Variants in LGR4 observed in about 807,000 individuals in gnomAD.
LGR4 encodes the protein leucine rich repeat containing G protein-coupled receptor 4.
In LGR4, 44 loss-of-function variants were observed where a neutral mutation model predicts 84.8. The observed-to-expected ratio is 0.52, with a 90% CI of 0.41 to 0.67. The LOEUF is 0.67. LGR4 is among the 30% of genes least tolerant of loss of function. The pLI is 0.00. For missense variants in LGR4, 1,032 were observed against 1,131.4 expected, an observed-to-expected ratio of 0.91 and a Z score of 1.26; for synonymous variants, 429 against 434.3, an observed-to-expected ratio of 0.99 and a Z score of 0.15.
At chr11:27,414,917 CT>C (rs1331017652) in intron 1 of LGR4, among the ~76,000 whole-genome samples, 1 of 152,100 alleles carries the variant, frequency 6.6e-6, no homozygotes, top group Non-Finnish European at 1.5e-5. Context: ...CTGATTCACC[CT>C]TTTCTGTAGT....
chr11:27,382,600 A>G (rs1047353043), intron 6 of LGR4, among the ~76,000 whole-genome samples: 1 of 152,224 alleles, frequency 6.6e-6, no homozygotes, highest in Non-Finnish European at 1.5e-5. Context: ...TTCATTGAAT[A>G]TCCATTTGTA....
rs780736159 is a variant in LGR4 at position 27,369,071 on chromosome 11, A to G, written c.1652T>C (p.Val551Ala). 3.1e-6 allele frequency: 5 copies of G among 1,614,062 alleles called. No homozygotes were observed. Among genetic ancestry groups the G allele is most frequent in the South Asian group, 2.2e-5 (2 of 91,060 alleles). ...AACAAGCAGGTTGAAAAATAATGCA[A>G]CCAAGAAAATGAACCACACAGTAAG... The part of the protein sequence containing the change: ...IRLTVWFIFL[V>A]ALFFNLLVIL... Residue 551 changes from valine to alanine, a missense_variant, in exon 18 of 18, where the codon GTT becomes GCT. By Grantham distance (64) the Val-to-Ala change is moderately conservative (BLOSUM62 0). Transcript: ENST00000379214.
chr11:27,418,737 C>T (rs1005968841), intron 1 of LGR4, among the ~76,000 whole-genome samples: 1 of 151,970 alleles, frequency 6.6e-6, no homozygotes, highest in Non-Finnish European at 1.5e-5. Context: ...GAGAAAATGT[C>T]ACCTTCAAAT....
At chr11:27,428,285 C>T (rs1030057263) in intron 1 of LGR4, among the ~76,000 whole-genome samples, 15 of 152,006 alleles carry the variant, frequency 9.9e-5, no homozygotes, top group Admixed American at 7.9e-4. Context: ...TACAGGCATC[C>T]ACCACCACGT....
rs1044538684 is a variant in LGR4 at position 27,391,224 on chromosome 11, A to G, written c.330-59T>C. ...TGATAGTTACCATTTTTTCTTAGAA[A>G]AATTCAGAGCCTTTTTTTTTTTTTT... is the stretch of plus-strand genomic sequence containing the variant. On this transcript the variant is annotated intron_variant, in intron 3 of 17. Transcript: ENST00000379214. The G allele has an allele frequency of 8.3e-6, 7 of 840,572 alleles. No homozygotes were observed. The African/African-American group carries it at 1.2e-4, about 14-fold the overall frequency. The allele number at this position is 840,572 out of a possible 1,614,324, so 52.1% of individuals were successfully genotyped here.
At chr11:27,458,317 A>C (rs1229640413) in intron 1 of LGR4, among the ~76,000 whole-genome samples, 1 of 152,170 alleles carries the variant, frequency 6.6e-6, no homozygotes, top group African/African-American at 2.4e-5. Context: ...ATAGTTCAGC[A>C]GTTGTCAGAG....
At chr11:27,399,522 T>C (rs1348441000) in intron 2 of LGR4, among the ~76,000 whole-genome samples, 1 of 151,990 alleles carries the variant, frequency 6.6e-6, no homozygotes, top group African/African-American at 2.4e-5. Flanking sequence ...CTTTTTTTTT[T>C]TTTTCTTTTT....
chr11:27,422,222 G>GAA (rs1863934640), intron 1 of LGR4, among the ~76,000 whole-genome samples: 1 of 152,140 alleles, frequency 6.6e-6, no homozygotes, highest in Admixed American at 6.5e-5. Context: ...TATTCATAAA[G>GAA]AAAACAATCC....
intron 13 of LGR4, among the ~76,000 whole-genome samples, chr11:27,374,650 T>A (rs1351980702): frequency 6.6e-6 from 1 of 152,160 alleles, no homozygotes; most frequent in Non-Finnish European, 1.5e-5. Flanking sequence ...ACACTGAACC[T>A]TAAAGGAAAT....
chr11:27,467,663 G>C (rs898727862), intron 1 of LGR4, among the ~76,000 whole-genome samples: 6 of 152,260 alleles, frequency 3.9e-5, no homozygotes, highest in African/African-American at 1.4e-4. Flanking sequence ...TTACAGATGA[G>C]GAAAATAAGG....
chr11:27,458,832 C>T (rs1268179524), intron 1 of LGR4, among the ~76,000 whole-genome samples: 1 of 152,118 alleles, frequency 6.6e-6, no homozygotes, highest in Non-Finnish European at 1.5e-5. Context: ...AGTTACCATG[C>T]CGGGCCTTGA....
At chr11:27,371,091 A>G (rs1013979367) in intron 17 of LGR4, among the ~76,000 whole-genome samples, 1 of 152,234 alleles carries the variant, frequency 6.6e-6, no homozygotes, top group African/African-American at 2.4e-5. Flanking sequence ...TCTACTTTGT[A>G]GCACACAATT....
At chr11:27,393,252 G>A (rs1863319153) in intron 2 of LGR4, among the ~76,000 whole-genome samples, 1 of 152,118 alleles carries the variant, frequency 6.6e-6, no homozygotes, top group African/African-American at 2.4e-5. Context: ...GAGGATATTA[G>A]GGAGAAGAAT....
intron 11 of LGR4, among the ~76,000 whole-genome samples, 199 bp downstream of exon 11, chr11:27,378,498 T>C (rs548598657): frequency 6.6e-6 from 1 of 152,288 alleles, no homozygotes; most frequent in South Asian, 2.1e-4. Context: ...AAGTATATGA[T>C]ATATTCAAAA....
intron 1 of LGR4, among the ~76,000 whole-genome samples, chr11:27,430,616 C>T (rs1864098877): frequency 2.0e-5 from 3 of 152,146 alleles, no homozygotes; most frequent in Admixed American, 6.5e-5. Flanking sequence ...CTCCAGCTCA[C>T]TTCTATCTTG....
chr11:27,399,614 G>C (rs537960738), intron 2 of LGR4, among the ~76,000 whole-genome samples: 1 of 151,772 alleles, frequency 6.6e-6, no homozygotes, highest in Non-Finnish European at 1.5e-5. Context: ...CAGCCTCCTG[G>C]GTTCAAGCAA....
chr11:27,460,125 T>A (rs1009710732), intron 1 of LGR4, among the ~76,000 whole-genome samples: 21 of 152,040 alleles, frequency 1.4e-4, no homozygotes, highest in African/African-American at 5.1e-4. Flanking sequence ...GGAATTAACT[T>A]ACCCTTCTAT....
chr11:27,472,564 C>G lies in LGR4; in HGVS notation c.-262G>C, dbSNP rs1355174967. The stretch of plus-strand genomic sequence containing the variant: ...CGGCGGCTCACGCCAGCCGGGCCGG[C>G]CCGGCGCAGCGGCGGGGGCCGCGCT... On this transcript the variant is annotated 5_prime_UTR_variant, in exon 1 of 18. Coordinates refer to ENST00000379214, the MANE Select transcript of LGR4 (RefSeq NM_018490.5). 8 of 380,494 alleles carry G rather than the reference C, an allele frequency of 2.1e-5. No individual in the cohort carries two copies. In the East Asian group the frequency reaches 3.0e-4, roughly 14 times the overall value. 23.6% of individuals were successfully genotyped at this position (380,494 alleles called of 1,614,324 possible).
At chr11:27,471,852 G>C (rs966307966) in intron 1 of LGR4, 1 of 298,704 alleles carries the variant, frequency 3.3e-6, no homozygotes, top group Non-Finnish European at 6.1e-6. Context: ...GGGTGTGCGC[G>C]GTGGGGTGGG....
Sources: gnomAD v4.1 joint callset for allele counts (sites outside exome capture counted in the v4.1 genomes callset) on GRCh38, gnomAD v4.1.1 for gene constraint, MANE v1.5 for transcripts, NCBI Gene and HGNC (gene_info 2026-07-23, HGNC 2026-07-21) for gene names.